Variants in BTBD9 observed in about 807,000 individuals in gnomAD.
The protein encoded by BTBD9 is BTB/POZ domain-containing protein 9.
In BTBD9, 49 loss-of-function variants were observed where a neutral mutation model predicts 64.3. The observed-to-expected ratio is 0.76, with a 90% confidence interval of 0.61 to 0.97. The LOEUF (loss-of-function observed/expected upper bound fraction) is 0.97, where lower values mean the gene tolerates loss of function less well. Among genes scored for constraint, BTBD9 ranks in the 50% least tolerant of loss-of-function variants. BTBD9 has a pLI of 0.00. For missense variants in BTBD9, 598 were observed against 762.1 expected, an observed-to-expected ratio of 0.78 and a Z score of 2.53; for synonymous variants, 260 against 274.7, an observed-to-expected ratio of 0.95 and a Z score of 0.53.
chr6:38,283,056 C>T (rs1482024177), intron 8 of BTBD9, among the ~76,000 whole-genome samples: 3 of 152,146 alleles, frequency 2.0e-5, no homozygotes, highest in Non-Finnish European at 4.4e-5. Flanking sequence ...AATGAATCAA[C>T]GAAAATGCGG....
At chr6:38,364,912 G>A (rs1765127373) in intron 6 of BTBD9, among the ~76,000 whole-genome samples, 1 of 152,100 alleles carries the variant, frequency 6.6e-6, no homozygotes, top group Admixed American at 6.5e-5. Context: ...AAATCATTCA[G>A]CCAGGTATTA....
intron 6 of BTBD9, among the ~76,000 whole-genome samples, chr6:38,512,268 C>T (rs1012008173): frequency 1.3e-5 from 2 of 152,128 alleles, no homozygotes; most frequent in Non-Finnish European, 1.5e-5. Context: ...CCACCATGCC[C>T]GGCCACTACT....
At chr6:38,394,324 G>C (rs1365463094) in intron 6 of BTBD9, among the ~76,000 whole-genome samples, 1 of 152,016 alleles carries the variant, frequency 6.6e-6, no homozygotes, top group East Asian at 1.9e-4. Context: ...GGGCTGTCCT[G>C]GTAAAAAGAA....
Position 38,620,645 on chromosome 6 carries a change from C to T in BTBD9, c.-28+19155G>A, listed in dbSNP as rs181223308. ...CAAAGCATCTAAACCGAAGGCCCAGCTCTGCCTACAACAAGTCAAATATCT... is the reference window on the plus strand; with the variant it reads ...CAAAGCATCTAAACCGAAGGCCCAGTTCTGCCTACAACAAGTCAAATATCT... On this transcript the variant is annotated intron_variant, in intron 1 of 10. Transcript: ENST00000481247. Among the ~76,000 whole-genome samples the T allele has an allele frequency of 1.9e-3, 282 of 152,320 alleles. 4 individuals are homozygous for T. Among genetic ancestry groups the T allele is most frequent in the Admixed American group, 0.018 (280 of 15,298 alleles).
At chr6:38,554,142 A>T (rs988574423) in intron 6 of BTBD9, among the ~76,000 whole-genome samples, 6 of 152,222 alleles carry the variant, frequency 3.9e-5, no homozygotes, top group African/African-American at 1.4e-4. Flanking sequence ...GGCTAGCATG[A>T]TATATGAGCT....
intron 7 of BTBD9, among the ~76,000 whole-genome samples, chr6:38,316,849 C>A (rs982289156): frequency 2.0e-5 from 3 of 152,140 alleles, no homozygotes; most frequent in African/African-American, 7.2e-5. Flanking sequence ...CAAAGAACTC[C>A]CTTTGGCATT....
intron 8 of BTBD9, 143 bp downstream of exon 8, chr6:38,288,129 G>T: frequency 1.2e-6 from 1 of 853,892 alleles, no homozygotes; most frequent in Non-Finnish European, 1.8e-6. Flanking sequence ...CCCTTCCTTC[G>T]GCTCCCACTC....
intron 6 of BTBD9, among the ~76,000 whole-genome samples, chr6:38,472,689 G>A (rs1167203649): frequency 1.3e-5 from 2 of 152,124 alleles, no homozygotes; most frequent in Non-Finnish European, 2.9e-5. Context: ...ATGGGATTTT[G>A]GTTCCTACCT....
intron 1 of BTBD9, among the ~76,000 whole-genome samples, chr6:38,623,816 C>T (rs1778079611): frequency 6.6e-6 from 1 of 152,204 alleles, no homozygotes; most frequent in South Asian, 2.1e-4. Flanking sequence ...CATCAAGCTA[C>T]AGATGGTCTT....
rs879581685 is a variant in BTBD9 at position 38,174,658 on chromosome 6, C to G, written c.*327G>C. On this transcript the variant is annotated 3_prime_UTR_variant, in exon 11 of 11. Coordinates refer to ENST00000481247, the MANE Select transcript of BTBD9 (RefSeq NM_001099272.2). ...AGTGTTTGCGTGCCATTTTTGTATTCCAACACAGGCCTGTCTATGACTTCC... is the reference window on the plus strand; with the variant it reads ...AGTGTTTGCGTGCCATTTTTGTATTGCAACACAGGCCTGTCTATGACTTCC... The G allele has an allele frequency of 1.3e-5, 4 of 303,434 alleles. No individual in the cohort carries two copies. The highest frequency in any genetic ancestry group is 2.4e-5 in the Non-Finnish European group (4 of 165,200). The allele number at this position is 303,434 out of a possible 1,614,324, so 18.8% of individuals were successfully genotyped here. A position where few individuals can be genotyped will look rare whatever the true frequency, so the allele number is the denominator to read the frequency against.
intron 4 of BTBD9, among the ~76,000 whole-genome samples, chr6:38,583,593 A>C (rs1776388271): frequency 6.6e-6 from 1 of 152,218 alleles, no homozygotes; most frequent in Non-Finnish European, 1.5e-5. Flanking sequence ...TCTAAACATA[A>C]GTTTCTTCAA....
intron 6 of BTBD9, among the ~76,000 whole-genome samples, chr6:38,523,477 A>G (rs931774078): frequency 6.6e-6 from 1 of 152,124 alleles, no homozygotes; most frequent in Non-Finnish European, 1.5e-5. Context: ...AAAGCCTACT[A>G]CCCTTGTGCC....
At chr6:38,277,204 T>C (rs1761302142) in intron 8 of BTBD9, among the ~76,000 whole-genome samples, 2 of 152,196 alleles carry the variant, frequency 1.3e-5, no homozygotes, top group African/African-American at 4.8e-5. Context: ...TATTAAGTGT[T>C]TGCAACAGAA....
At chr6:38,467,330 G>C (rs935836373) in intron 6 of BTBD9, among the ~76,000 whole-genome samples, 1 of 152,054 alleles carries the variant, frequency 6.6e-6, no homozygotes, top group Non-Finnish European at 1.5e-5. Context: ...TGTCATTTTC[G>C]CCTGAACAAA....
chr6:38,458,063 T>C (rs1324665945), intron 6 of BTBD9, among the ~76,000 whole-genome samples: 36 of 152,180 alleles, frequency 2.4e-4, no homozygotes, highest in Admixed American at 2.4e-3. Flanking sequence ...GCGCCAGATT[T>C]TGCCATATCC....
At chr6:38,302,229 C>T (rs933482230) in intron 7 of BTBD9, among the ~76,000 whole-genome samples, 1 of 151,974 alleles carries the variant, frequency 6.6e-6, no homozygotes, top group Non-Finnish European at 1.5e-5. Flanking sequence ...ACTTATTCCT[C>T]CTCTCTAACT....
At chr6:38,441,845 A>G (rs1468894676) in intron 6 of BTBD9, among the ~76,000 whole-genome samples, 1 of 152,220 alleles carries the variant, frequency 6.6e-6, no homozygotes, top group Non-Finnish European at 1.5e-5. Flanking sequence ...AGTGGATGTT[A>G]TCAACAGTCC....
intron 7 of BTBD9, among the ~76,000 whole-genome samples, chr6:38,297,454 G>A (rs1467070342): frequency 6.6e-6 from 1 of 152,106 alleles, no homozygotes; most frequent in Non-Finnish European, 1.5e-5. Flanking sequence ...TGTGTTTTGA[G>A]ACCACATCAT....
chr6:38,606,957 TG>T (rs1006470241), intron 1 of BTBD9, among the ~76,000 whole-genome samples: 5 of 152,156 alleles, frequency 3.3e-5, no homozygotes, highest in Non-Finnish European at 5.9e-5. Context: ...ATATCAGAAA[TG>T]ATTCTGACTC....
Sources: allele counts gnomAD v4.1 joint callset (sites outside exome capture counted in the v4.1 genomes callset), GRCh38; gene constraint gnomAD v4.1.1; transcripts MANE v1.5; gene names NCBI Gene and HGNC (gene_info 2026-07-23, HGNC 2026-07-21).